The following KANK1 variants were observed in gnomAD, a reference collection of about 807,000 sequenced individuals.
KANK1 encodes the protein KN motif and ankyrin repeat domain-containing protein 1.
In KANK1, 109 loss-of-function variants were observed where a neutral mutation model predicts 106.2. The observed-to-expected ratio is 1.03, with a 90% CI of 0.88 to 1.20. KANK1 has a LOEUF of 1.20. KANK1 is among the 50% of genes most tolerant of loss of function. KANK1 has a pLI of 0.00. For missense variants in KANK1, 2,399 were observed against 1,710.7 expected (o/e 1.40, Z -7.10); for synonymous variants, 873 against 652.2 (o/e 1.34, Z -5.16).
chr9:607,574 G>C (rs940380135), intron 1 of KANK1, among the ~76,000 whole-genome samples: 1 of 146,342 alleles, frequency 6.8e-6, no homozygotes, highest in Admixed American at 6.9e-5. Context: ...GTTGGTTCTT[G>C]TGCAGATTCC....
At chr9:735,631 G>A (rs1453601091) in intron 7 of KANK1, 1 of 258,228 alleles carries the variant, frequency 3.9e-6, no homozygotes, top group Non-Finnish European at 8.9e-6. Context: ...AAATGGTGTA[G>A]TATTTGCATA....
intron 2 of KANK1, chr9:706,747 G>C: frequency 5.1e-6 from 5 of 983,842 alleles, no homozygotes; most frequent in Non-Finnish European, 6.0e-6. Flanking sequence ...GAGTCAGGCA[G>C]TGCTCTGGAA....
intron 1 of KANK1, among the ~76,000 whole-genome samples, chr9:642,893 G>A (rs762673677): frequency 2.7e-5 from 4 of 149,996 alleles, no homozygotes; most frequent in African/African-American, 7.6e-5. Context: ...AGCCAGTGTC[G>A]AAGTAATGGC....
chr9:603,641 C>G (rs1344578638), intron 1 of KANK1, among the ~76,000 whole-genome samples: 1 of 151,620 alleles, frequency 6.6e-6, no homozygotes, highest in African/African-American at 2.4e-5. Flanking sequence ...AATTAATATA[C>G]TCGTTTGAAT....
intron 1 of KANK1, among the ~76,000 whole-genome samples, chr9:672,110 G>A (rs1815298604): frequency 6.6e-6 from 1 of 152,134 alleles, no homozygotes; most frequent in African/African-American, 2.4e-5. Flanking sequence ...TAAAACAATA[G>A]TGCCCTTACT....
At chr9:583,005 G>A (rs1822553856) in intron 1 of KANK1, among the ~76,000 whole-genome samples, 1 of 152,192 alleles carries the variant, frequency 6.6e-6, no homozygotes, top group Non-Finnish European at 1.5e-5. Context: ...ATATCAGAAT[G>A]ACACTTAATA....
At chr9:606,157 AC>A (rs1267105087) in intron 1 of KANK1, among the ~76,000 whole-genome samples, 8 of 150,618 alleles carry the variant, frequency 5.3e-5, no homozygotes, top group African/African-American at 2.0e-4. Flanking sequence ...ACACACACAC[AC>A]ACACACACAC....
intron 1 of KANK1, among the ~76,000 whole-genome samples, chr9:534,719 G>T (rs1037141538): frequency 6.6e-6 from 1 of 152,206 alleles, no homozygotes; most frequent in Admixed American, 6.5e-5. Flanking sequence ...GAAAGGATCA[G>T]ATGTTTCTAG....
At chr9:683,329 G>C (rs760790838) in intron 2 of KANK1, among the ~76,000 whole-genome samples, 2 of 152,156 alleles carry the variant, frequency 1.3e-5, no homozygotes, top group Non-Finnish European at 2.9e-5. Flanking sequence ...TATTAGAATA[G>C]CTGAGAGGGT....
Position 740,845 on chromosome 9 carries a change from G to A in KANK1, c.3607G>A (p.Ala1203Thr), listed in dbSNP as rs751137284. The change falls in exon 9 of 12, where the codon GCG becomes ACG. Residue 1203 changes from alanine (A) to threonine (T), a missense_variant. Transcript: ENST00000382297. ...GGCAGGCTACACCCCCATCATGTTG[G>A]CGGCCCTCGCCGCTGTGGAAGCAGA... ...NKAGYTPIML[A>T]ALAAVEAEKD... 2 of 1,613,930 alleles carry A rather than the reference G, an allele frequency of 1.2e-6. No homozygotes were observed. The highest frequency in any genetic ancestry group is 4.5e-5 in the East Asian group (2 of 44,872).
At chr9:692,962 G>A (rs55934536) in intron 2 of KANK1, among the ~76,000 whole-genome samples, 6 of 152,182 alleles carry the variant, frequency 3.9e-5, no homozygotes, top group African/African-American at 9.6e-5. Context: ...TGATTGCACC[G>A]CTGTACTCCA....
chr9:513,516 TATC>T (rs2059124868), intron 1 of KANK1, among the ~76,000 whole-genome samples: 1 of 152,228 alleles, frequency 6.6e-6, no homozygotes, highest in Non-Finnish European at 1.5e-5. Context: ...TTTTTATAAT[TATC>T]ATCCAAGAAA....
chr9:708,536 G>C (rs1354406135), intron 2 of KANK1, among the ~76,000 whole-genome samples: 3 of 152,172 alleles, frequency 2.0e-5, no homozygotes, highest in Non-Finnish European at 4.4e-5. Context: ...AAATTGGGAC[G>C]TAAGGAATAT....
chr9:654,583 G>GT (rs36018076), intron 1 of KANK1, among the ~76,000 whole-genome samples: 66,816 of 151,500 alleles, frequency 0.44, 18,197 homozygotes, highest in African/African-American at 0.75. Flanking sequence ...CCACTCAATC[G>GT]TTTCTCATCC....
At chr9:639,474 A>C (rs1264905520) in intron 1 of KANK1, among the ~76,000 whole-genome samples, 1 of 151,860 alleles carries the variant, frequency 6.6e-6, no homozygotes, top group African/African-American at 2.4e-5. Context: ...ACACCATCAC[A>C]CCTGGCTAGT....
chr9:507,128 G>A (rs1011797287), intron 1 of KANK1, among the ~76,000 whole-genome samples: 9 of 145,754 alleles, frequency 6.2e-5, no homozygotes, highest in Non-Finnish European at 8.9e-5. Context: ...GACAGCTTAT[G>A]CCATCTTTTT....
rs1390826651 is a variant in KANK1 at position 712,769 on chromosome 9, C to T, written c.2003C>T (p.Thr668Ile). ...GCTGCCGTCATGGCAGTGCCTCGTA[C>T]TGCAGACCAGGACACTAGCACAGAT... is the stretch of plus-strand genomic sequence containing the variant. Reference protein sequence around the residue: ...VEAAVMAVPRTADQDTSTDLE... With the variant: ...VEAAVMAVPRIADQDTSTDLE... The change falls in exon 3 of 12, where the codon ACT (threonine) becomes ATT (isoleucine). Residue 668 changes from threonine to isoleucine, a missense_variant. Coordinates refer to ENST00000382297, the MANE Select transcript of KANK1 (RefSeq NM_015158.5). The T allele has an allele frequency of 3.7e-6, 6 of 1,613,818 alleles. No individual in the cohort carries two copies. The Middle Eastern group carries it at 4.9e-4, about 133-fold the overall frequency.
chr9:649,227 T>A (rs1037466387), intron 1 of KANK1, among the ~76,000 whole-genome samples: 1 of 152,188 alleles, frequency 6.6e-6, no homozygotes, highest in African/African-American at 2.4e-5. Flanking sequence ...CCTCTCCACC[T>A]CTGTTTCTTT....
At chr9:706,421 G>GTTGA (rs1215836188) in intron 2 of KANK1, among the ~76,000 whole-genome samples, 1 of 152,194 alleles carries the variant, frequency 6.6e-6, no homozygotes, top group Non-Finnish European at 1.5e-5. Context: ...AAATACTGAT[G>GTTGA]TTGAGTCAGT....
Sources: allele counts gnomAD v4.1 joint callset (sites outside exome capture counted in the v4.1 genomes callset), GRCh38; gene constraint gnomAD v4.1.1; transcripts MANE v1.5; gene names NCBI Gene and HGNC (gene_info 2026-07-23, HGNC 2026-07-21).